KCNIP1: variants seen among roughly 807,000 people sequenced by gnomAD.
The protein encoded by KCNIP1 is potassium voltage-gated channel interacting protein 1, also known as A-type potassium channel modulatory protein KCNIP1.
A neutral mutation model predicts 33.0 loss-of-function variants in KCNIP1; 18 were observed. The ratio of observed to expected loss-of-function variants is 0.55; its 90% CI spans 0.38 to 0.81. The LOEUF (loss-of-function observed/expected upper bound fraction) is 0.81. Ranked by LOEUF, KCNIP1 falls within the 30% of genes least tolerant of loss-of-function variation. The probability of loss-of-function intolerance (pLI) is 0.00; values close to 1 mark genes in which losing one functional copy is unlikely to be tolerated. For missense variants in KCNIP1, 238 were observed against 271.6 expected (o/e 0.88, Z 0.87); for synonymous variants, 93 against 98.3 (o/e 0.95, Z 0.32).
chr5:170,614,015 T>C (rs922794991), intron 1 of KCNIP1, among the ~76,000 whole-genome samples: 3 of 152,118 alleles, frequency 2.0e-5, no homozygotes, highest in African/African-American at 7.2e-5. Context: ...AAGTGAAGTG[T>C]TCAATTCCTG....
At chr5:170,735,666 G>A (rs1334349164) in intron 7 of KCNIP1, 93 bp from the exon 8 acceptor site, 1 of 1,097,868 alleles carries the variant, frequency 9.1e-7, no homozygotes, top group African/African-American at 1.5e-5. Context: ...TCTCCATATA[G>A]GAAACCCATG....
chr5:170,485,710 T>G (rs1757076496), intron 1 of KCNIP1, among the ~76,000 whole-genome samples: 1 of 152,130 alleles, frequency 6.6e-6, no homozygotes, highest in Non-Finnish European at 1.5e-5. Context: ...GCCTCCAGGC[T>G]GCCTCTGGGC....
chr5:170,467,278 C>T (rs1191911308), intron 1 of KCNIP1, among the ~76,000 whole-genome samples: 1 of 152,070 alleles, frequency 6.6e-6, no homozygotes, highest in African/African-American at 2.4e-5. Flanking sequence ...GAGACCTGAG[C>T]ACATTTAAAA....
intron 1 of KCNIP1, among the ~76,000 whole-genome samples, chr5:170,547,836 G>A (rs114362794): frequency 0.014 from 2,176 of 152,214 alleles, 55 homozygotes; most frequent in African/African-American, 0.05. Context: ...GAACATACGC[G>A]TGCAGCTGTC....
intron 1 of KCNIP1, chr5:170,375,338 T>C (rs1253220355): frequency 6.6e-6 from 1 of 152,246 alleles, no homozygotes; most frequent in East Asian, 1.9e-4. Context: ...ATGAGCTGCC[T>C]GCCTTTGGAA....
Position 170,593,696 on chromosome 5 carries a change from G to C in KCNIP1, c.61+89063G>C, listed in dbSNP as rs534167612. On this transcript the variant is annotated intron_variant, in intron 1 of 7. Coordinates refer to ENST00000328939, the MANE Select transcript of KCNIP1 (RefSeq NM_014592.4). The stretch of plus-strand genomic sequence containing the variant: ...ACCCTCCCACAATCCCTCATTAAGC[G>C]AGACATCATCCCCGGCTGGGCAGGG... Among the ~76,000 whole-genome samples, 12 of 152,238 alleles carry C rather than the reference G, an allele frequency of 7.9e-5. No individual in the cohort carries two copies. In the Middle Eastern group the frequency reaches 0.01, roughly 129 times the overall value.
chr5:170,651,446 G>T (rs1037717515), intron 1 of KCNIP1, among the ~76,000 whole-genome samples: 1 of 152,146 alleles, frequency 6.6e-6, no homozygotes, highest in Non-Finnish European at 1.5e-5. Context: ...AACCCAGCAG[G>T]AATGCTTAAT....
intron 1 of KCNIP1, chr5:170,378,830 G>A (rs1023405584): frequency 6.2e-7 from 1 of 1,614,132 alleles, no homozygotes; most frequent in Non-Finnish European, 8.5e-7. Context: ...GCCCGTAGAG[G>A]CGCTGGAATA....
At chr5:170,427,141 T>G (rs1340163287) in intron 1 of KCNIP1, among the ~76,000 whole-genome samples, 2 of 152,156 alleles carry the variant, frequency 1.3e-5, no homozygotes, top group Non-Finnish European at 1.5e-5. Context: ...CCTCTGCAGG[T>G]TCACCTGCCA....
chr5:170,409,804 G>A (rs987424740), intron 1 of KCNIP1, among the ~76,000 whole-genome samples: 1 of 152,184 alleles, frequency 6.6e-6, no homozygotes, highest in Admixed American at 6.5e-5. Context: ...CATACCCTCA[G>A]TGTGCCTCAG....
chr5:170,435,226 TACA>T (rs1189351933), intron 1 of KCNIP1, among the ~76,000 whole-genome samples: 15 of 152,230 alleles, frequency 9.9e-5, no homozygotes, highest in Admixed American at 9.2e-4. Flanking sequence ...GAAATTTTGC[TACA>T]ACGTGTAGCC....
chr5:170,512,830 A>C (rs1754986842), intron 1 of KCNIP1, among the ~76,000 whole-genome samples: 1 of 152,126 alleles, frequency 6.6e-6, no homozygotes, highest in South Asian at 2.1e-4. Flanking sequence ...CTGGCGGATC[A>C]TGAGGTCAGG....
At chr5:170,734,868 G>A (rs1315354667) in intron 7 of KCNIP1, among the ~76,000 whole-genome samples, 1 of 152,220 alleles carries the variant, frequency 6.6e-6, no homozygotes, top group Non-Finnish European at 1.5e-5. Flanking sequence ...CCTTGGGGGT[G>A]AGTTCTCACT....
At chr5:170,724,116 T>C (rs1334917651) in intron 5 of KCNIP1, among the ~76,000 whole-genome samples, 2 of 152,316 alleles carry the variant, frequency 1.3e-5, no homozygotes, top group Admixed American at 1.3e-4. Flanking sequence ...TCAGAAAATC[T>C]GACTAGCTCT....
At chr5:170,384,056 G>A (rs558332683) in intron 1 of KCNIP1, among the ~76,000 whole-genome samples, 13 of 152,306 alleles carry the variant, frequency 8.5e-5, no homozygotes, top group African/African-American at 2.4e-4. Flanking sequence ...TGGGGTCTTA[G>A]ACATTATCTA....
chr5:170,711,027 A>T (rs911197531), intron 1 of KCNIP1, among the ~76,000 whole-genome samples: 4 of 152,246 alleles, frequency 2.6e-5, no homozygotes, highest in South Asian at 2.1e-4. Context: ...TGTATGTGCT[A>T]AACACCAAAT....
At position 170,409,549 on chromosome 5, in the gene KCNIP1, T is replaced by G. The variant is rs1228863753; in HGVS notation, c.88+55585T>G. Among the ~76,000 whole-genome samples, 5 of 152,178 alleles carry G rather than the reference T, an allele frequency of 3.3e-5. No homozygotes were observed. The East Asian group carries it at 9.6e-4, about 29-fold the overall frequency. ...TGCAGTAGTGACACGCACAGGCTCT[T>G]GAGGCAGTCTGGGTTCCAATCCACC... On this transcript the variant is annotated intron_variant, in intron 1 of 7. Transcript: ENST00000377360.
In KCNIP1 at chr5:170,603,310, C is replaced by T. The variant is rs1758771957; in HGVS notation, c.61+98677C>T. On this transcript the variant is annotated intron_variant, in intron 1 of 7. Transcript: ENST00000328939. ...AAAGAGGAACCTCAATGGTCCAAAT[C>T]ACACCTCTGGCGGGGAGGAGGGGCT... 2.0e-5 allele frequency among the ~76,000 whole-genome samples: 3 copies of T among 152,234 alleles called. No homozygotes were observed. In the South Asian group the frequency reaches 6.2e-4, roughly 32 times the overall value.
intron 1 of KCNIP1, among the ~76,000 whole-genome samples, chr5:170,689,634 A>G (rs866145580): frequency 5.9e-5 from 9 of 152,364 alleles, no homozygotes; most frequent in Middle Eastern, 6.8e-3. Flanking sequence ...TGAAGGATGT[A>G]TAGCAGCTAT....
Sources: gnomAD v4.1 joint callset for allele counts (sites outside exome capture counted in the v4.1 genomes callset) on GRCh38, gnomAD v4.1.1 for gene constraint, MANE v1.5 for transcripts, NCBI Gene and HGNC (gene_info 2026-07-23, HGNC 2026-07-21) for gene names.